CPSF4: variants seen among roughly 807,000 people sequenced by gnomAD.
CPSF4 encodes cleavage and polyadenylation specificity factor subunit 4.
In CPSF4, 11 loss-of-function variants were observed where a neutral mutation model predicts 37.7. The observed-to-expected ratio is 0.29, with a 90% CI of 0.18 to 0.48. CPSF4 has a LOEUF of 0.48. Ranked by LOEUF, CPSF4 falls within the 20% of genes least tolerant of loss-of-function variation. The pLI is 0.99. For synonymous variants in CPSF4, 132 were observed against 135.9 expected, an observed-to-expected ratio of 0.97 and a Z score of 0.20; for missense variants, 144 against 359.5, an observed-to-expected ratio of 0.40 and a Z score of 4.85.
intron 2 of CPSF4, among the ~76,000 whole-genome samples, 191 bp downstream of exon 2, chr7:99,445,030 T>C (rs1197947289): frequency 1.3e-5 from 2 of 152,232 alleles, no homozygotes; most frequent in Non-Finnish European, 2.9e-5. Flanking sequence ...AACGCAGGAC[T>C]GAACCTGGCT....
intron 1 of CPSF4, among the ~76,000 whole-genome samples, chr7:99,444,068 T>G (rs1253488217): frequency 6.6e-6 from 1 of 152,218 alleles, no homozygotes; most frequent in East Asian, 1.9e-4. Flanking sequence ...CCTGATTGTC[T>G]GTACGTCTGT....
At chr7:99,445,157 C>T (rs1411341242) in intron 2 of CPSF4, among the ~76,000 whole-genome samples, 1 of 152,188 alleles carries the variant, frequency 6.6e-6, no homozygotes, top group African/African-American at 2.4e-5. Flanking sequence ...AGTTAATAAG[C>T]GGCAGAGCCC....
chr7:99,452,352 G>A lies in CPSF4; in HGVS notation c.498-16G>A. 1.9e-6 allele frequency: 3 copies of A among 1,612,232 alleles called. No homozygotes were observed. The highest frequency in any genetic ancestry group is 2.5e-6 in the Non-Finnish European group (3 of 1,178,550). On this transcript the variant is annotated splice_polypyrimidine_tract_variant and intron_variant, in intron 5 of 7. Transcript: ENST00000292476. Reference sequence around the variant, plus strand: ...TCCTTCTCTTGTTCTCATCCCCTCTGGCTGCTGGTGACCAGCCCTCGATTT... The same window carrying A: ...TCCTTCTCTTGTTCTCATCCCCTCTAGCTGCTGGTGACCAGCCCTCGATTT...
At position 99,444,832 on chromosome 7, in the gene CPSF4, C is replaced by T. The variant is rs759412959; in HGVS notation, c.147C>T (p.Cys49=). ...GTGAATTCTTTTTGAAAGCTGCCTGCGGCAAAGGTAAGAAACTCCGGGCTC... is the reference window on the plus strand; with the variant it reads ...GTGAATTCTTTTTGAAAGCTGCCTGTGGCAAAGGTAAGAAACTCCGGGCTC... ...AVCEFFLKAA[C]GKGGMCPFRH... The change falls in exon 2 of 8, where the codon TGC becomes TGT. Residue 49 remains cysteine, a synonymous_variant. Coordinates refer to ENST00000292476, the MANE Select transcript of CPSF4 (RefSeq NM_006693.4). 2.4e-5 allele frequency: 38 copies of T among 1,613,288 alleles called. No homozygotes were observed. Among genetic ancestry groups the T allele is most frequent in the Admixed American group, 5.0e-5 (3 of 59,970 alleles).
At chr7:99,443,668 C>G (rs1797224996) in intron 1 of CPSF4, among the ~76,000 whole-genome samples, 3 of 152,120 alleles carry the variant, frequency 2.0e-5, no homozygotes, top group African/African-American at 7.2e-5. Flanking sequence ...TCTATAATCC[C>G]AGCACTTTGG....
chr7:99,454,148 G>A lies in CPSF4; in HGVS notation c.741+12G>A, dbSNP rs372398619. ...TCACCTGTTACAAGGTGAGTCCCTG[G>A]GCTGGGGGACAGGGTGGGGTCTTCC... On this transcript the variant is annotated intron_variant, in intron 7 of 7. Coordinates refer to ENST00000292476, the MANE Select transcript of CPSF4 (RefSeq NM_006693.4). 6 of 1,609,942 alleles carry A rather than the reference G, an allele frequency of 3.7e-6. No homozygotes were observed. In the East Asian group the frequency reaches 1.1e-4, roughly 30 times the overall value.
intron 1 of CPSF4, chr7:99,441,436 CCAGGGCTT>C (rs2150977766): frequency 2.2e-6 from 1 of 456,294 alleles, no homozygotes; most frequent in East Asian, 6.9e-5. Context: ...GTTGCTCCAG[CCAGGGCTT>C]CAGAGTCGGT....
chr7:99,447,263 T>A lies in CPSF4; in HGVS notation c.155-858T>A, dbSNP rs200072745. 1.7e-3 allele frequency among the ~76,000 whole-genome samples: 197 copies of A among 115,636 alleles called. 3 individuals are homozygous for A. In the East Asian group the frequency reaches 0.03, roughly 18 times the overall value. The allele number at this position is 115,636 out of a possible 152,430, so 75.9% of individuals were successfully genotyped here. ...TACACCCGGCCAAGTTCCTTTCTTT[T>A]TTTTTTTCTTTTTTTTTTTTTTGAG... is the stretch of plus-strand genomic sequence containing the variant. On this transcript the variant is annotated intron_variant, in intron 2 of 7. Transcript: ENST00000292476.
At chr7:99,447,184 A>G (rs536998268) in intron 2 of CPSF4, among the ~76,000 whole-genome samples, 3 of 151,760 alleles carry the variant, frequency 2.0e-5, no homozygotes, top group Non-Finnish European at 4.4e-5. Flanking sequence ...TCTTGGCTCA[A>G]GTGATTCTCC....
chr7:99,447,271 CTTT>C (rs1351325327), intron 2 of CPSF4, among the ~76,000 whole-genome samples: 1 of 107,158 alleles, frequency 9.3e-6, no homozygotes. Context: ...TTTTTTTTTT[CTTT>C]TTTTTTTTTT....
At chr7:99,444,768 C>G in intron 1 of CPSF4, 21 bp from the exon 2 acceptor site, 1 of 1,611,628 alleles carries the variant, frequency 6.2e-7, no homozygotes, top group Non-Finnish European at 8.5e-7. Flanking sequence ...TGATTCCTCT[C>G]CTTTTCTCTC....
intron 3 of CPSF4, among the ~76,000 whole-genome samples, chr7:99,449,441 G>C (rs1797783829): frequency 6.6e-6 from 1 of 152,262 alleles, no homozygotes; most frequent in Admixed American, 6.5e-5. Flanking sequence ...CCCAGAGGCA[G>C]CAGCTGGCTC....
intron 1 of CPSF4, chr7:99,442,779 C>A: frequency 1.5e-6 from 1 of 679,686 alleles, no homozygotes; most frequent in Non-Finnish European, 2.6e-6. Flanking sequence ...CCTGGGGTAC[C>A]TGCTCCCTCA....
intron 1 of CPSF4, among the ~76,000 whole-genome samples, chr7:99,442,338 TC>T (rs1456410645): frequency 6.6e-5 from 10 of 152,086 alleles, no homozygotes; most frequent in African/African-American, 2.2e-4. Flanking sequence ...GCTTTTTTTT[TC>T]TTTTCTTTTC....
At position 99,444,771 on chromosome 7, in the gene CPSF4, T is replaced by G; in HGVS notation, c.104-18T>G. ...ATTGCACCTCTTTGATTCCTCTCCT[T>G]TTCTCTCCTTTCTACAGAGTCGGGC... On this transcript the variant is annotated intron_variant, in intron 1 of 7. Transcript: ENST00000292476. 6.2e-7 allele frequency: 1 copy of G among 1,612,096 alleles called. No homozygotes were observed. The highest frequency in any genetic ancestry group is 8.5e-7 in the Non-Finnish European group (1 of 1,178,626).
intron 2 of CPSF4, 30 bp downstream of exon 2, chr7:99,444,869 TC>T (rs772673697): frequency 6.2e-7 from 1 of 1,607,014 alleles, no homozygotes; most frequent in South Asian, 1.1e-5. Flanking sequence ...CTGATGTGCC[TC>T]CGGAGGCGCC....
At chr7:99,441,869 T>C (rs1273324347) in intron 1 of CPSF4, among the ~76,000 whole-genome samples, 1 of 152,008 alleles carries the variant, frequency 6.6e-6, no homozygotes, top group African/African-American at 2.4e-5. Flanking sequence ...TTTTTGCATT[T>C]TTAGTAGAGA....
At chr7:99,444,915 C>A in intron 2 of CPSF4, 76 bp downstream of exon 2, 1 of 1,276,632 alleles carries the variant, frequency 7.8e-7, no homozygotes, top group Non-Finnish European at 1.1e-6. Flanking sequence ...ACTTGGAGGC[C>A]GCCAGGTCTC....
At position 99,444,412 on chromosome 7, in the gene CPSF4, G is replaced by A. The variant is rs138658371; in HGVS notation, c.104-377G>A. On this transcript the variant is annotated intron_variant, in intron 1 of 7. Coordinates refer to ENST00000292476, the MANE Select transcript of CPSF4 (RefSeq NM_006693.4). ...GCAGAGATTGCAGTGAGCCAAGATC[G>A]CGTCATTGCACTCCAGCCCAGGCAA... 3.6e-3 allele frequency among the ~76,000 whole-genome samples: 545 copies of A among 151,894 alleles called. 1 individual carries two copies. Among genetic ancestry groups the A allele is most frequent in the African/African-American group, 0.012 (497 of 41,394 alleles).
Sources: allele counts gnomAD v4.1 joint callset (sites outside exome capture counted in the v4.1 genomes callset), GRCh38; gene constraint gnomAD v4.1.1; transcripts MANE v1.5; gene names NCBI Gene and HGNC (gene_info 2026-07-23, HGNC 2026-07-21).